The following RGS5 variants were observed in gnomAD, a reference collection of about 807,000 sequenced individuals.
RGS5 encodes the protein regulator of G-protein signalling 5.
RGS5 carries 20 observed loss-of-function variants against 18.9 expected under a neutral mutation model. The ratio of observed to expected loss-of-function variants is 1.06; its 90% CI spans 0.74 to 1.54. The LOEUF (loss-of-function observed/expected upper bound fraction) is 1.54, where lower values mean the gene tolerates loss of function less well. Among genes scored for constraint, RGS5 ranks in the 40% most tolerant of loss-of-function variants. The probability of loss-of-function intolerance (pLI) is 0.00; values close to 1 mark genes in which losing one functional copy is unlikely to be tolerated. For missense variants in RGS5, 201 were observed against 211.8 expected (o/e 0.95, Z 0.32); for synonymous variants, 57 against 76.2 (o/e 0.75, Z 1.31).
intron 1 of RGS5, among the ~76,000 whole-genome samples, chr1:163,181,662 AT>A (rs1658852151): frequency 6.6e-6 from 1 of 152,168 alleles, no homozygotes; most frequent in African/African-American, 2.4e-5. Context: ...AGAGTCCCAT[AT>A]GTATGTACTC....
At chr1:163,254,588 T>G (rs1011703332) in intron 2 of RGS5, among the ~76,000 whole-genome samples, 9 of 152,186 alleles carry the variant, frequency 5.9e-5, no homozygotes, top group African/African-American at 1.2e-4. Context: ...TTTCTCCCAT[T>G]TTGTAGGTTG....
chr1:163,287,777 T>G (rs371578620), intron 2 of RGS5, among the ~76,000 whole-genome samples: 3 of 152,246 alleles, frequency 2.0e-5, no homozygotes, highest in Non-Finnish European at 4.4e-5. Context: ...GTGTCATATT[T>G]GGGCAGCCAC....
At chr1:163,186,071 GTCT>G (rs1250663197) in intron 1 of RGS5, among the ~76,000 whole-genome samples, 67 of 69,450 alleles carry the variant, frequency 9.6e-4, no homozygotes, top group South Asian at 8.4e-3. Flanking sequence ...GAAAAAAAAG[GTCT>G]TTTTTTTTTT....
chr1:163,264,045 C>G (rs1264688518), intron 2 of RGS5, among the ~76,000 whole-genome samples: 1 of 151,964 alleles, frequency 6.6e-6, no homozygotes, highest in Non-Finnish European at 1.5e-5. Flanking sequence ...TTCTTTGGCA[C>G]AAACTGGGGG....
chr1:163,297,682 T>C (rs956364929), intron 2 of RGS5, among the ~76,000 whole-genome samples: 47 of 152,138 alleles, frequency 3.1e-4, no homozygotes, highest in African/African-American at 1.1e-3. Flanking sequence ...TAACATGAAG[T>C]ATACATTTTA....
intron 2 of RGS5, among the ~76,000 whole-genome samples, chr1:163,282,039 A>ACG (rs757248741): frequency 2.3e-4 from 33 of 142,202 alleles, no homozygotes; most frequent in East Asian, 9.9e-4. Context: ...TCAGAAGTGC[A>ACG]CGCGCGCGCA....
chr1:163,290,451 A>T (rs1244688033), intron 2 of RGS5, among the ~76,000 whole-genome samples: 1 of 152,180 alleles, frequency 6.6e-6, no homozygotes, highest in Admixed American at 6.5e-5. Context: ...CTATTGCATA[A>T]CATTTCTTCA....
At chr1:163,225,046 G>A (rs944098841) in intron 2 of RGS5, among the ~76,000 whole-genome samples, 5 of 152,010 alleles carry the variant, frequency 3.3e-5, no homozygotes, top group African/African-American at 1.2e-4. Context: ...AATCCTATTG[G>A]TCTATTCTTA....
At chr1:163,225,119 G>C (rs1647304774) in intron 2 of RGS5, among the ~76,000 whole-genome samples, 1 of 152,102 alleles carries the variant, frequency 6.6e-6, no homozygotes, top group African/African-American at 2.4e-5. Flanking sequence ...AAATAATGAA[G>C]TGTTTCCCCT....
chr1:163,266,577 A>G (rs1648577890), intron 2 of RGS5: 1 of 152,054 alleles, frequency 6.6e-6, no homozygotes, highest in African/African-American at 2.4e-5. Context: ...TGCCTATTTA[A>G]TGCTTATTCA....
At chr1:163,168,712 C>T (rs1245087879) in intron 1 of RGS5, among the ~76,000 whole-genome samples, 1 of 151,966 alleles carries the variant, frequency 6.6e-6, no homozygotes, top group Non-Finnish European at 1.5e-5. Context: ...TTAAGATAAC[C>T]CAGCCAGTAT....
rs115067964 is a variant in RGS5 at position 163,228,010 on chromosome 1, C to G, written c.-280-59642G>C. On this transcript the variant is annotated intron_variant, in intron 2 of 5. Transcript: ENST00000618415. ...TGTGGCCATGCAAGGTACAGCCCTG[C>G]CCCAGGATGCTTTCACAGGGGGGCA... 2.9e-3 allele frequency among the ~76,000 whole-genome samples: 438 copies of G among 152,336 alleles called. 4 individuals carry two copies. Among genetic ancestry groups the G allele is most frequent in the African/African-American group, 9.0e-3 (375 of 41,568 alleles).
upstream of RGS5, among the ~76,000 whole-genome samples, chr1:163,205,744 T>C (rs968524487): frequency 2.6e-5 from 4 of 152,188 alleles, no homozygotes; most frequent in African/African-American, 9.7e-5. Context: ...GTGAGAGACA[T>C]TGAACATTTT....
At chr1:163,237,847 A>T in intron 2 of RGS5, 1 of 153,908 alleles carries the variant, frequency 6.5e-6, no homozygotes, top group Middle Eastern at 8.1e-4. Context: ...ACAAAGGAGA[A>T]GAGCACAGAA....
intron 2 of RGS5, among the ~76,000 whole-genome samples, chr1:163,277,579 G>A (rs34272377): frequency 0.24 from 35,889 of 151,998 alleles, 4,362 homozygotes; most frequent in Non-Finnish European, 0.26. Flanking sequence ...TATAAACTGG[G>A]TGATTTTTAT....
At chr1:163,163,042 G>T (rs1309115766) in intron 2 of RGS5, among the ~76,000 whole-genome samples, 4 of 60,380 alleles carry the variant, frequency 6.6e-5, no homozygotes, top group East Asian at 7.1e-4. Context: ...GATATTTCGG[G>T]GGGGGGGGTG....
intron 1 of RGS5, among the ~76,000 whole-genome samples, chr1:163,171,802 C>T (rs1319049950): frequency 1.3e-5 from 2 of 152,198 alleles, no homozygotes; most frequent in African/African-American, 4.8e-5. Context: ...AGTAAATATA[C>T]AAACACCATT....
Position 163,147,208 on chromosome 1 carries a change from AC to A in RGS5, c.*133del. ...GCAGTGTGGGCAAAAAGAGTAAGCAACATCCCCTGGGATTTTTCCCATGTGG... is the reference window on the plus strand; with the variant it reads ...GCAGTGTGGGCAAAAAGAGTAAGCAAATCCCCTGGGATTTTTCCCATGTGG... On this transcript the variant is annotated 3_prime_UTR_variant, in exon 5 of 5. Coordinates refer to ENST00000313961, the MANE Select transcript of RGS5 (RefSeq NM_003617.4). The A allele has an allele frequency of 1.1e-6, 1 of 911,656 alleles. No individual in the cohort carries two copies. The highest frequency in any genetic ancestry group is 3.4e-5 in the Admixed American group (1 of 29,780). The allele number at this position is 911,656 out of a possible 1,614,324, so 56.5% of individuals were successfully genotyped here. A position where few individuals can be genotyped will look rare whatever the true frequency, so the allele number is the denominator to read the frequency against.
At chr1:163,230,824 G>A (rs531306628) in intron 2 of RGS5, among the ~76,000 whole-genome samples, 1 of 152,242 alleles carries the variant, frequency 6.6e-6, no homozygotes, top group East Asian at 1.9e-4. Flanking sequence ...CAGTTGTCTG[G>A]TTATTTGTAA....
Sources: allele counts gnomAD v4.1 joint callset (sites outside exome capture counted in the v4.1 genomes callset), GRCh38; gene constraint gnomAD v4.1.1; transcripts MANE v1.5; gene names NCBI Gene and HGNC (gene_info 2026-07-23, HGNC 2026-07-21).